The following LRRC75A variants were observed in gnomAD, a reference collection of about 807,000 sequenced individuals.
LRRC75A encodes leucine rich repeat containing 75A, also known as leucine-rich repeat-containing protein 75A.
Under a neutral mutation model 26.0 loss-of-function variants are expected in LRRC75A, and 12 were observed. The observed-to-expected ratio is 0.46, with a 90% CI of 0.30 to 0.75. The LOEUF is 0.75. LRRC75A is among the 30% of genes least tolerant of loss of function. The pLI is 0.08. For synonymous variants in LRRC75A, 223 were observed against 219.3 expected (o/e 1.02, Z -0.15); for missense variants, 410 against 486.6 (o/e 0.84, Z 1.48).
chr17:16,449,463 G>A (rs1016550902), intron 2 of LRRC75A, among the ~76,000 whole-genome samples: 7 of 152,096 alleles, frequency 4.6e-5, no homozygotes, highest in African/African-American at 7.2e-5. Flanking sequence ...CACTACTAGC[G>A]CAGTGCTTTG....
chr17:16,456,868 C>A (rs1041042222), intron 2 of LRRC75A, among the ~76,000 whole-genome samples: 2 of 152,204 alleles, frequency 1.3e-5, no homozygotes, highest in African/African-American at 2.4e-5. Context: ...TGTGCTGAAT[C>A]AATGCTTTGC....
chr17:16,471,288 C>T (rs1357242177), intron 1 of LRRC75A, among the ~76,000 whole-genome samples: 2 of 152,210 alleles, frequency 1.3e-5, no homozygotes, highest in African/African-American at 4.8e-5. Context: ...TGGATGGACA[C>T]GGCCCTGCCG....
chr17:16,470,350 C>A (rs2093801065), intron 1 of LRRC75A: 1 of 152,218 alleles, frequency 6.6e-6, no homozygotes, highest in South Asian at 2.1e-4. Context: ...AAGGAGGACG[C>A]AGCAAGCGCT....
chr17:16,488,990 T>A (rs548056706), intron 1 of LRRC75A, among the ~76,000 whole-genome samples: 1 of 152,258 alleles, frequency 6.6e-6, no homozygotes, highest in South Asian at 2.1e-4. Context: ...AGGGTGGTAT[T>A]GGACTGGAGC....
At position 16,462,220 on chromosome 17, in the gene LRRC75A, C is replaced by T; in HGVS notation, c.375+38G>A. 1 of 1,612,558 alleles carries T rather than the reference C, an allele frequency of 6.2e-7. No individual in the cohort carries two copies. The highest frequency in any genetic ancestry group is 8.5e-7 in the Non-Finnish European group (1 of 1,179,202). ...TGCCCAGAAAGGCACCCACCGCACA[C>T]CCCGGGACCTGGCTGGCTCGGACCA... On this transcript the variant is annotated intron_variant, in intron 2 of 3. Coordinates refer to ENST00000470794, the MANE Select transcript of LRRC75A (RefSeq NM_001113567.3). The surrounding 1 kb of genome is among the most constrained non-coding windows in gnomAD (Gnocchi z 4.6).
At chr17:16,490,320 A>C (rs1318331645) in intron 1 of LRRC75A, among the ~76,000 whole-genome samples, 1 of 152,216 alleles carries the variant, frequency 6.6e-6, no homozygotes, top group African/African-American at 2.4e-5. Context: ...TTTAAAAGTG[A>C]AAGAGTTACT....
chr17:16,456,889 C>A (rs765010403), intron 2 of LRRC75A, among the ~76,000 whole-genome samples: 1 of 152,210 alleles, frequency 6.6e-6, no homozygotes, highest in Non-Finnish European at 1.5e-5. Flanking sequence ...AGTCCTCCCC[C>A]GATCCCTGAA....
At chr17:16,475,675 T>C (rs975462357) in intron 1 of LRRC75A, among the ~76,000 whole-genome samples, 2 of 152,184 alleles carry the variant, frequency 1.3e-5, no homozygotes, top group African/African-American at 4.8e-5. Flanking sequence ...TTTGGGAGGC[T>C]GATCCTCCTG....
intron 1 of LRRC75A, among the ~76,000 whole-genome samples, chr17:16,473,163 CA>C (rs2093811840): frequency 6.6e-6 from 1 of 151,224 alleles, no homozygotes; most frequent in African/African-American, 2.5e-5. Context: ...GCGCGCGCCC[CA>C]AGAATAACTA....
intron 1 of LRRC75A, among the ~76,000 whole-genome samples, chr17:16,476,213 T>A (rs965379119): frequency 6.6e-6 from 1 of 151,076 alleles, no homozygotes; most frequent in Non-Finnish European, 1.5e-5. Flanking sequence ...ATAATAATAA[T>A]AAAAATTAGC....
rs1203585123 is a variant in LRRC75A at position 16,477,918 on chromosome 17, G to A, written c.246+13827C>T. Among the ~76,000 whole-genome samples the A allele has an allele frequency of 2.6e-5, 4 of 152,148 alleles. No individual in the cohort carries two copies. The East Asian group carries it at 7.7e-4, about 29-fold the overall frequency. On this transcript the variant is annotated intron_variant, in intron 1 of 3. Coordinates refer to ENST00000470794, the MANE Select transcript of LRRC75A (RefSeq NM_001113567.3). ...TGTCTACAGCTTCGAGACACCGGGA[G>A]GGAGGAGGTAGGAGCTGTGGGTGGG... is the stretch of plus-strand genomic sequence containing the variant.
intron 3 of LRRC75A, chr17:16,446,833 C>T (rs376165749): frequency 1.5e-5 from 4 of 262,720 alleles, no homozygotes; most frequent in Non-Finnish European, 2.3e-5. Context: ...TATGTCCCCT[C>T]TACCCAGGTA....
chr17:16,491,902 C>T lies in LRRC75A; in HGVS notation c.89G>A (p.Trp30Ter). 1 of 1,299,990 alleles carries T rather than the reference C, an allele frequency of 7.7e-7. No homozygotes were observed. The highest frequency in any genetic ancestry group is 1.6e-5 in the African/African-American group (1 of 64,124). 80.5% of individuals were successfully genotyped at this position (1,299,990 alleles called of 1,614,324 possible). ...CCCGGCGCGCAGCAGCAGCGACGCC[C>T]AGAAGTCCGGCCGTTCGCGTCGGGG... is the stretch of plus-strand genomic sequence containing the variant. ...PGPRRERPDFWASLLLRAGDK... is the reference protein window; with the variant it reads ...PGPRRERPDF The change falls in exon 1 of 4, where the codon TGG becomes TAG. Residue 30 changes from tryptophan to a stop codon, truncating the protein, a stop_gained. Transcript: ENST00000470794. LOFTEE classifies it high-confidence loss of function. The surrounding 1 kb of genome is among the most constrained non-coding windows in gnomAD (Gnocchi z 5.9).
At chr17:16,472,383 C>T (rs771925532) in intron 1 of LRRC75A, among the ~76,000 whole-genome samples, 7 of 152,254 alleles carry the variant, frequency 4.6e-5, no homozygotes, top group South Asian at 2.1e-4. Flanking sequence ...TGGCGGAAGG[C>T]GAGCAGGAGT....
At chr17:16,457,632 T>C (rs1042718365) in intron 2 of LRRC75A, among the ~76,000 whole-genome samples, 3 of 151,890 alleles carry the variant, frequency 2.0e-5, no homozygotes, top group African/African-American at 7.3e-5. Flanking sequence ...TTAGAACCAA[T>C]AGAATGGTGG....
At chr17:16,485,085 C>T (rs777826900) in intron 1 of LRRC75A, among the ~76,000 whole-genome samples, 2 of 152,068 alleles carry the variant, frequency 1.3e-5, no homozygotes, top group African/African-American at 2.4e-5. Context: ...CTGCTTGGCG[C>T]GCCAAGGTCT....
chr17:16,456,998 G>A (rs2093690752), intron 2 of LRRC75A, among the ~76,000 whole-genome samples: 1 of 152,188 alleles, frequency 6.6e-6, no homozygotes, highest in African/African-American at 2.4e-5. Flanking sequence ...CAGGTCCTGG[G>A]GCAGAACGTG....
At chr17:16,452,620 G>C (rs1568955565) in intron 2 of LRRC75A, among the ~76,000 whole-genome samples, 1 of 152,018 alleles carries the variant, frequency 6.6e-6, no homozygotes, top group East Asian at 1.9e-4. Context: ...TATCTTAATA[G>C]AGATGGGGTT....
Position 16,491,703 on chromosome 17 carries a change from C to A in LRRC75A, c.246+42G>T. The stretch of plus-strand genomic sequence containing the variant: ...GGCGCCCCCCCCGGCCCAGCACGCC[C>A]CCTGGCCCGGCGCGCCCCCCGCGCC... On this transcript the variant is annotated intron_variant, in intron 1 of 3. Transcript: ENST00000470794. The surrounding 1 kb of genome is among the most constrained non-coding windows in gnomAD (Gnocchi z 5.9). The A allele has an allele frequency of 7.8e-7, 1 of 1,284,004 alleles. No individual in the cohort carries two copies. The highest frequency in any genetic ancestry group is 9.9e-7 in the Non-Finnish European group (1 of 1,014,062). The allele number at this position is 1,284,004 out of a possible 1,614,324, so 79.5% of individuals were successfully genotyped here. A position where few individuals can be genotyped will look rare whatever the true frequency, so the allele number is the denominator to read the frequency against.
Sources: gnomAD v4.1 joint callset for allele counts (sites outside exome capture counted in the v4.1 genomes callset) on GRCh38, gnomAD v4.1.1 for gene constraint, Gnocchi (gnomAD v3.1) non-coding constraint, MANE v1.5 for transcripts, NCBI Gene and HGNC (gene_info 2026-07-23, HGNC 2026-07-21) for gene names.